GAR1: variants seen among roughly 807,000 people sequenced by gnomAD.
The protein encoded by GAR1 is H/ACA ribonucleoprotein complex subunit 1.
In GAR1, 11 loss-of-function variants were observed where a neutral mutation model predicts 29.3. That is an observed-to-expected ratio of 0.38 (90% CI 0.24 to 0.62). The LOEUF is 0.62. Ranked by LOEUF, GAR1 falls within the 20% of genes least tolerant of loss-of-function variation. The pLI is 0.62. For synonymous variants in GAR1, 87 were observed against 93.3 expected, an observed-to-expected ratio of 0.93 and a Z score of 0.39; for missense variants, 237 against 268.4, an observed-to-expected ratio of 0.88 and a Z score of 0.82.
chr4:109,816,809 T>C (rs187528873), intron 2 of GAR1, among the ~76,000 whole-genome samples: 60 of 152,172 alleles, frequency 3.9e-4, no homozygotes, highest in African/African-American at 1.4e-3. Context: ...GCCTGGATAA[T>C]AAAGCAGGAG....
Position 109,815,959 on chromosome 4 carries a change from G to A in GAR1, c.-13+155G>A, listed in dbSNP as rs114203153. 455 of 635,980 alleles carry A rather than the reference G, an allele frequency of 7.2e-4. 1 individual carries two copies. In the African/African-American group the frequency reaches 7.2e-3, roughly 10 times the overall value. 39.4% of individuals were successfully genotyped at this position (635,980 alleles called of 1,614,324 possible). A position where few individuals can be genotyped will look rare whatever the true frequency, so the allele number is the denominator to read the frequency against. ...GGGGCGGCAAGGGTGGTGTGTGGTC[G>A]GTCGGCGCTCACGAGACCATGGAGA... On this transcript the variant is annotated intron_variant, in intron 1 of 6. Transcript: ENST00000226796.
intron 4 of GAR1, among the ~76,000 whole-genome samples, chr4:109,820,702 A>T (rs1236927488): frequency 4.6e-5 from 7 of 152,172 alleles, no homozygotes; most frequent in Non-Finnish European, 8.8e-5. Context: ...AGCCACATAG[A>T]CATCAGGGAG....
At position 109,820,119 on chromosome 4, in the gene GAR1, G is replaced by A. The variant is rs185175832; in HGVS notation, c.429+1059G>A. Reference sequence around the variant, plus strand: ...GGAGGCTATAATAGTAGTTCTAAAAGAGATGGTATTTTGGACTCGGTAGTG... The same window carrying A: ...GGAGGCTATAATAGTAGTTCTAAAAAAGATGGTATTTTGGACTCGGTAGTG... On this transcript the variant is annotated intron_variant, in intron 4 of 6. Coordinates refer to ENST00000226796, the MANE Select transcript of GAR1 (RefSeq NM_018983.4). 2.3e-3 allele frequency among the ~76,000 whole-genome samples: 350 copies of A among 152,320 alleles called. 1 individual carries two copies. The highest frequency in any genetic ancestry group is 4.4e-3 in the Non-Finnish European group (301 of 68,022).
At chr4:109,820,284 T>A (rs750885940) in intron 4 of GAR1, among the ~76,000 whole-genome samples, 4 of 152,018 alleles carry the variant, frequency 2.6e-5, no homozygotes, top group African/African-American at 4.8e-5. Flanking sequence ...TCTTTGTGGG[T>A]GATGGTACCA....
In GAR1 at chr4:109,818,101, T is replaced by G; in HGVS notation, c.369+11T>G. 1 of 1,579,928 alleles carries G rather than the reference T, an allele frequency of 6.3e-7. No homozygotes were observed. Among genetic ancestry groups the G allele is most frequent in the South Asian group, 1.2e-5 (1 of 86,578 alleles). On this transcript the variant is annotated intron_variant, in intron 3 of 6. Transcript: ENST00000226796. ...CAACTCAGAGATTTTGTATCCTTTT[T>G]CATTGGAAGGCCTGATAATATTCAA...
intron 2 of GAR1, among the ~76,000 whole-genome samples, chr4:109,817,084 A>G (rs1167568861): frequency 6.6e-6 from 1 of 152,146 alleles, no homozygotes; most frequent in African/African-American, 2.4e-5. Context: ...AATGGCTTGG[A>G]TGAGTATGCA....
chr4:109,815,734 T>G (rs539819948), upstream of GAR1: 352 of 182,264 alleles, frequency 1.9e-3, 1 homozygote, highest in African/African-American at 8.1e-3. Context: ...CCGAGGAGGT[T>G]CCAGCGCGGC....
intron 6 of GAR1, 23 bp from the exon 7 acceptor site, chr4:109,824,395 T>A (rs777382382): frequency 6.5e-7 from 1 of 1,548,870 alleles, no homozygotes; most frequent in Non-Finnish European, 8.9e-7. Context: ...GTGCCCTTAA[T>A]ACTTTAATTT....
chr4:109,824,516 T>C lies in GAR1; in HGVS notation c.*85T>C. ...TACTATGGATTGGAAACTTGTTTCTTGAACAAGTCTTGAAGATCTTGGTCA... is the reference window on the plus strand; with the variant it reads ...TACTATGGATTGGAAACTTGTTTCTCGAACAAGTCTTGAAGATCTTGGTCA... On this transcript the variant is annotated 3_prime_UTR_variant, in exon 7 of 7. Transcript: ENST00000226796. 1.0e-6 allele frequency: 1 copy of C among 990,444 alleles called. No individual in the cohort carries two copies. The highest frequency in any genetic ancestry group is 1.6e-6 in the Non-Finnish European group (1 of 620,642). 61.4% of individuals were successfully genotyped at this position (990,444 alleles called of 1,614,324 possible).
chr4:109,824,369 TAA>T lies in GAR1; in HGVS notation c.641-45_641-44del, dbSNP rs774249938. ...CTTGAGATTTAGGTTATAATACTATTAAAAATCCATTTTCTGTGCCCTTAATA... is the reference window on the plus strand; with the variant it reads ...CTTGAGATTTAGGTTATAATACTATTAAATCCATTTTCTGTGCCCTTAATA... On this transcript the variant is annotated intron_variant, in intron 6 of 6. Transcript: ENST00000226796. 15 of 1,327,610 alleles carry T rather than the reference TAA, an allele frequency of 1.1e-5. 1 individual carries two copies. The South Asian group carries it at 1.4e-4, about 13-fold the overall frequency. 82.2% of individuals were successfully genotyped at this position (1,327,610 alleles called of 1,614,324 possible). A position where few individuals can be genotyped will look rare whatever the true frequency, so the allele number is the denominator to read the frequency against.
chr4:109,822,974 A>T (rs1218209629), intron 5 of GAR1, among the ~76,000 whole-genome samples: 2 of 152,242 alleles, frequency 1.3e-5, no homozygotes, highest in East Asian at 3.8e-4. Context: ...TAAAATGCAT[A>T]TCTTCTGATG....
At chr4:109,822,518 A>T in intron 5 of GAR1, 30 bp downstream of exon 5, 3 of 1,579,990 alleles carry the variant, frequency 1.9e-6, no homozygotes, top group Non-Finnish European at 2.6e-6. Context: ...TTTCTAATGA[A>T]ATTAACTGTG....
At chr4:109,823,838 T>G in intron 5 of GAR1, 127 bp from the exon 6 acceptor site, 1 of 503,080 alleles carries the variant, frequency 2.0e-6, no homozygotes. Context: ...TTCATTATAA[T>G]TATAGTTATT....
Position 109,824,024 on chromosome 4 carries a change from G to A in GAR1, c.631G>A (p.Gly211Ser), listed in dbSNP as rs1337572346. ...GGGFRGGRGG[G>S]FRGRGH is the part of the protein sequence containing the mutation. ...GGGCTTCAGAGGAGGAAGAGGTGGTGGTTTCAGAGGTGAGTATTTTAAAAA... is the reference window on the plus strand; with the variant it reads ...GGGCTTCAGAGGAGGAAGAGGTGGTAGTTTCAGAGGTGAGTATTTTAAAAA... Residue 211 changes from glycine to serine, a missense_variant, in exon 6 of 7, where the codon GGT becomes AGT. Gly to Ser is a moderately conservative substitution (Grantham distance 56). Coordinates refer to ENST00000226796, the MANE Select transcript of GAR1 (RefSeq NM_018983.4). 2 of 1,597,586 alleles carry A rather than the reference G, an allele frequency of 1.3e-6. No homozygotes were observed. Among genetic ancestry groups the A allele is most frequent in the Non-Finnish European group, 1.7e-6 (2 of 1,166,922 alleles).
intron 4 of GAR1, chr4:109,819,367 T>C (rs1560579900): frequency 8.6e-6 from 3 of 350,018 alleles, no homozygotes; most frequent in Non-Finnish European, 1.0e-5. Flanking sequence ...ACATTCTAGG[T>C]AGAATCTTAA....
chr4:109,815,856 A>G (rs888841776), intron 1 of GAR1, 52 bp downstream of exon 1: 2 of 373,444 alleles, frequency 5.4e-6, no homozygotes, highest in Non-Finnish European at 9.7e-6. Context: ...GTGGAACCCA[A>G]CTGCCGGAGG....
upstream of GAR1, chr4:109,815,675 C>T: frequency 6.1e-6 from 1 of 164,552 alleles, no homozygotes; most frequent in Admixed American, 5.7e-5. Flanking sequence ...TTTGGCAAAC[C>T]AGTTATTCAA....
intron 2 of GAR1, among the ~76,000 whole-genome samples, chr4:109,816,689 A>G (rs1733362585): frequency 6.6e-6 from 1 of 152,202 alleles, no homozygotes; most frequent in African/African-American, 2.4e-5. Context: ...TAAGTGATCA[A>G]TTAGTGATAT....
At position 109,816,241 on chromosome 4, in the gene GAR1, G is replaced by C; in HGVS notation, c.77G>C (p.Ser26Thr). ...GGCGGCTTCAACCGAGGTGGCAGCA[G>C]CAACCACTTCCGAGGTGGAGGCGGC... ...GGGGFNRGGS[S>T]NHFRGGGGGG... The change falls in exon 2 of 7, where the codon AGC becomes ACC. Residue 26 changes from serine to threonine, a missense_variant. Ser to Thr is a moderately conservative substitution (Grantham distance 58). Transcript: ENST00000226796. 6.2e-7 allele frequency: 1 copy of C among 1,609,994 alleles called. No homozygotes were observed. Among genetic ancestry groups the C allele is most frequent in the South Asian group, 1.1e-5 (1 of 90,780 alleles).
Sources: gnomAD v4.1 joint callset for allele counts (sites outside exome capture counted in the v4.1 genomes callset) on GRCh38, gnomAD v4.1.1 for gene constraint, MANE v1.5 for transcripts, NCBI Gene and HGNC (gene_info 2026-07-23, HGNC 2026-07-21) for gene names.